ZFHX4: variants seen among roughly 807,000 people sequenced by gnomAD.
The protein encoded by ZFHX4 is zinc finger homeobox 4.
A neutral mutation model predicts 267.6 loss-of-function variants in ZFHX4; 56 were observed. The observed-to-expected ratio is 0.21, with a 90% CI of 0.17 to 0.26. The LOEUF (loss-of-function observed/expected upper bound fraction) is 0.26. ZFHX4 is among the 10% of genes least tolerant of loss of function. The probability of loss-of-function intolerance (pLI) is 1.00; values close to 1 mark genes in which losing one functional copy is unlikely to be tolerated. For synonymous variants in ZFHX4, 1,778 were observed against 1,665.6 expected, an observed-to-expected ratio of 1.07 and a Z score of -1.64; for missense variants, 4,332 against 4,420.0, an observed-to-expected ratio of 0.98 and a Z score of 0.56.
At chr8:76,816,665 G>A (rs1168103279) in intron 4 of ZFHX4, among the ~76,000 whole-genome samples, 3 of 145,740 alleles carry the variant, frequency 2.1e-5, no homozygotes, top group South Asian at 2.1e-4. Flanking sequence ...GCACGAACTC[G>A]GCTCACTGCA....
chr8:76,691,603 C>T (rs1188593414), intron 1 of ZFHX4, among the ~76,000 whole-genome samples: 4 of 152,088 alleles, frequency 2.6e-5, no homozygotes, highest in Non-Finnish European at 4.4e-5. Context: ...ACACCTACTA[C>T]ATTTGTTGGC....
chr8:76,840,810 G>A (rs1244228175), intron 5 of ZFHX4, among the ~76,000 whole-genome samples: 1 of 152,136 alleles, frequency 6.6e-6, no homozygotes, highest in Admixed American at 6.5e-5. Context: ...GTGTGGACTT[G>A]GGAGGGACAC....
chr8:76,776,917 A>G (rs1345700314), intron 3 of ZFHX4, among the ~76,000 whole-genome samples: 3 of 152,100 alleles, frequency 2.0e-5, no homozygotes, highest in African/African-American at 7.2e-5. Context: ...CAGATGCTAA[A>G]AGCCAGGGAG....
chr8:76,834,872 T>G (rs966673747), intron 5 of ZFHX4, among the ~76,000 whole-genome samples: 4 of 151,962 alleles, frequency 2.6e-5, no homozygotes, highest in African/African-American at 9.7e-5. Context: ...AGTTTTATAG[T>G]TTTGTGTTTT....
intron 5 of ZFHX4, among the ~76,000 whole-genome samples, chr8:76,836,538 G>T (rs539780270): frequency 6.6e-6 from 1 of 152,146 alleles, no homozygotes; most frequent in South Asian, 2.1e-4. Context: ...GAAAATGTAC[G>T]TCAGAGTTTG....
chr8:76,767,296 T>C (rs1810077502), intron 3 of ZFHX4, among the ~76,000 whole-genome samples: 1 of 152,190 alleles, frequency 6.6e-6, no homozygotes, highest in Non-Finnish European at 1.5e-5. Context: ...TTGGTTTCAC[T>C]CCTTCCATTT....
At chr8:76,760,002 A>G (rs570981925) in intron 3 of ZFHX4, among the ~76,000 whole-genome samples, 1 of 152,338 alleles carries the variant, frequency 6.6e-6, no homozygotes, top group South Asian at 2.1e-4. Context: ...ATGGTCATTC[A>G]GTGCCTTTAA....
At position 76,853,961 on chromosome 8, in the gene ZFHX4, G is replaced by A; in HGVS notation, c.7040G>A (p.Ser2347Asn). Residue 2347 changes from serine to asparagine, a missense_variant, in exon 10 of 11, where the codon AGC becomes AAC. Ser to Asn is a conservative substitution (Grantham distance 46). Around this residue, in one of 7 missense-constraint regions of ZFHX4, gnomAD observed 1,648 missense variants for 1,625.0 expected, o/e 1.01. Coordinates refer to ENST00000651372, the MANE Select transcript of ZFHX4 (RefSeq NM_024721.5). Reference sequence around the variant, plus strand: ...GAAGATGATGATGCCCAAGATGAAAGCCAAACAGAAGACTCCATGGATGCC... The same window carrying A: ...GAAGATGATGATGCCCAAGATGAAAACCAAACAGAAGACTCCATGGATGCC... ...KDEDDDAQDE[S>N]QTEDSMDATD... 6.2e-7 allele frequency: 1 copy of A among 1,613,842 alleles called. No homozygotes were observed. Among genetic ancestry groups the A allele is most frequent in the South Asian group, 1.1e-5 (1 of 91,070 alleles).
rs1330635773 is a variant in ZFHX4, at chr8:76,778,438, T to G, written c.3324T>G (p.Leu1108=). Residue 1108 remains leucine, a splice_region_variant and synonymous_variant, in exon 4 of 11, where the codon CTT becomes CTG. Transcript: ENST00000651372. ...TTAAAGATTGCCCACCAAATGAGCTTGGTGAGTAACCCTGAAGAGGGCTGT... is the reference window on the plus strand; with the variant it reads ...TTAAAGATTGCCCACCAAATGAGCTGGGTGAGTAACCCTGAAGAGGGCTGT... ...FFVKDCPPNE[L]ETASLGARTC... is the part of the protein sequence containing the mutation. 2.5e-6 allele frequency: 4 copies of G among 1,613,088 alleles called. No individual in the cohort carries two copies. The highest frequency in any genetic ancestry group is 3.4e-6 in the Non-Finnish European group (4 of 1,179,654).
intron 4 of ZFHX4, among the ~76,000 whole-genome samples, chr8:76,797,178 T>C (rs1431451775): frequency 2.0e-5 from 3 of 152,210 alleles, no homozygotes; most frequent in African/African-American, 7.2e-5. Flanking sequence ...TAGGTGGTTT[T>C]GCACACTTTG....
intron 4 of ZFHX4, among the ~76,000 whole-genome samples, chr8:76,815,440 T>G (rs1811480435): frequency 6.6e-6 from 1 of 152,200 alleles, no homozygotes; most frequent in Non-Finnish European, 1.5e-5. Context: ...AAATGGTACC[T>G]TATTGCAGTA....
intron 4 of ZFHX4, among the ~76,000 whole-genome samples, chr8:76,790,136 A>G (rs758733202): frequency 7.2e-5 from 11 of 152,130 alleles, no homozygotes; most frequent in Non-Finnish European, 1.2e-4. Flanking sequence ...GTTTATGTAT[A>G]ATTAAGTGGT....
chr8:76,850,075 C>A, intron 8 of ZFHX4, 170 bp from the exon 9 acceptor site: 1 of 602,302 alleles, frequency 1.7e-6, no homozygotes, highest in African/African-American at 1.9e-5. Context: ...ATTGCCACAG[C>A]ATTGATCTAA....
rs370349920 is a variant in ZFHX4 at position 76,682,112 on chromosome 8, G to A, written c.-47+492G>A. Among the ~76,000 whole-genome samples, 16 of 152,054 alleles carry A rather than the reference G, an allele frequency of 1.1e-4. No individual in the cohort carries two copies. The East Asian group carries it at 2.5e-3, about 24-fold the overall frequency. ...GGCGCGGGCACTGCCAGGGGTCTCC[G>A]CTCGCCCCGCGCCCCTGCACCCCGA... On this transcript the variant is annotated intron_variant, in intron 1 of 10. Coordinates refer to ENST00000651372, the MANE Select transcript of ZFHX4 (RefSeq NM_024721.5).
At chr8:76,702,736 C>A (rs959997757) in intron 1 of ZFHX4, among the ~76,000 whole-genome samples, 4 of 152,200 alleles carry the variant, frequency 2.6e-5, no homozygotes, top group African/African-American at 9.6e-5. Context: ...AGGTGCTGGC[C>A]TTGAAGTTAT....
rs199806926 is a variant in ZFHX4 at position 76,851,356 on chromosome 8, G to C, written c.4435G>C (p.Asp1479His). The C allele has an allele frequency of 3.7e-4, 600 of 1,613,830 alleles. 6 individuals are homozygous for C. The South Asian group carries it at 4.4e-3, about 12-fold the overall frequency. The change falls in exon 10 of 11, where the codon GAT becomes CAT. Residue 1479 changes from aspartate to histidine, a missense_variant. This residue lies in a region of ZFHX4 where 1,371 missense variants were observed against 1,423.1 expected (regional missense o/e 0.96). Transcript: ENST00000651372. ...GGCAGAGAGCGAAACTATGTCCCAG[G>C]ATGACCATGGCCTAGAGCAGGAAAT... ...LWAESETMSQ[D>H]DHGLEQEMER...
intron 4 of ZFHX4, among the ~76,000 whole-genome samples, chr8:76,809,093 T>C (rs892038984): frequency 1.3e-5 from 2 of 152,148 alleles, no homozygotes; most frequent in Admixed American, 6.6e-5. Flanking sequence ...CATACCCGTA[T>C]CACTCAAACA....
chr8:76,839,448 A>C (rs2131907663), intron 5 of ZFHX4, among the ~76,000 whole-genome samples: 1 of 152,262 alleles, frequency 6.6e-6, no homozygotes, highest in Non-Finnish European at 1.5e-5. Context: ...GAAAATTGGG[A>C]TGTTCAAATG....
At chr8:76,693,929 C>G (rs2131587664) in intron 1 of ZFHX4, among the ~76,000 whole-genome samples, 1 of 152,330 alleles carries the variant, frequency 6.6e-6, no homozygotes, top group East Asian at 1.9e-4. Flanking sequence ...CTTACACGAG[C>G]ACTTGGCTTT....
Sources: allele counts gnomAD v4.1 joint callset (sites outside exome capture counted in the v4.1 genomes callset), GRCh38; gene constraint gnomAD v4.1.1; regional missense constraint gnomAD v4.1.1; transcripts MANE v1.5; gene names NCBI Gene and HGNC (gene_info 2026-07-23, HGNC 2026-07-21).